The following LDAH variants were observed in gnomAD, a reference collection of about 807,000 sequenced individuals.
LDAH encodes the protein lipid droplet associated hydrolase, also known as lipid droplet-associated hydrolase.
A neutral mutation model predicts 29.6 loss-of-function variants in LDAH; 26 were observed. That is an observed-to-expected ratio of 0.88 (90% CI 0.64 to 1.22). The LOEUF is 1.22. Among genes scored for constraint, LDAH ranks in the 50% most tolerant of loss-of-function variants. The pLI is 0.00. For synonymous variants in LDAH, 117 were observed against 133.0 expected (o/e 0.88, Z 0.83); for missense variants, 344 against 387.3 (o/e 0.89, Z 0.94).
chr2:20,811,175 G>A (rs982050280), intron 1 of LDAH, among the ~76,000 whole-genome samples: 2 of 151,710 alleles, frequency 1.3e-5, no homozygotes, highest in South Asian at 2.1e-4. Flanking sequence ...CCGCCACCAC[G>A]GCCGGCTAAT....
At chr2:20,687,140 C>T (rs1662620235) in intron 6 of LDAH, 46 bp from the exon 7 acceptor site, 1 of 1,524,542 alleles carries the variant, frequency 6.6e-7, no homozygotes, top group Non-Finnish European at 9.0e-7. Flanking sequence ...ACGTTCCCTT[C>T]CTGACACAGA....
At chr2:20,786,773 C>A (rs909734757) in intron 3 of LDAH, among the ~76,000 whole-genome samples, 2 of 152,092 alleles carry the variant, frequency 1.3e-5, no homozygotes, top group Non-Finnish European at 2.9e-5. Flanking sequence ...AAGTTTTTGT[C>A]ATCTTTTTTT....
At chr2:20,779,082 C>G (rs1444864534) in intron 3 of LDAH, among the ~76,000 whole-genome samples, 2 of 152,128 alleles carry the variant, frequency 1.3e-5, no homozygotes, top group Admixed American at 6.5e-5. Context: ...AGTCTGCAGA[C>G]AGTAACTACA....
At chr2:20,711,522 T>TTA (rs1664765088) in intron 5 of LDAH, among the ~76,000 whole-genome samples, 1 of 152,070 alleles carries the variant, frequency 6.6e-6, no homozygotes, top group African/African-American at 2.4e-5. Context: ...CTGGTTCATC[T>TTA]CATTGGGACT....
chr2:20,805,179 C>T (rs544922804), intron 1 of LDAH, among the ~76,000 whole-genome samples: 1 of 151,986 alleles, frequency 6.6e-6, no homozygotes, highest in African/African-American at 2.4e-5. Context: ...TGATTAGCCA[C>T]AAAATTAGTG....
chr2:20,806,795 T>A (rs1672094844), intron 1 of LDAH, among the ~76,000 whole-genome samples: 1 of 151,434 alleles, frequency 6.6e-6, no homozygotes, highest in South Asian at 2.1e-4. Context: ...AAGATACGAA[T>A]GCAGGAAAAT....
chr2:20,683,776 T>C (rs149277065), downstream of LDAH, among the ~76,000 whole-genome samples: 86 of 152,292 alleles, frequency 5.6e-4, no homozygotes, highest in African/African-American at 2.0e-3. Flanking sequence ...GCTATCCTCC[T>C]TTAGGTACCA....
chr2:20,800,897 G>A (rs961065367), intron 2 of LDAH, among the ~76,000 whole-genome samples: 1 of 152,146 alleles, frequency 6.6e-6, no homozygotes, highest in African/African-American at 2.4e-5. Flanking sequence ...CTCCCAAAGT[G>A]CTGGGATTAT....
At chr2:20,707,399 CT>C (rs1418258807) in intron 5 of LDAH, among the ~76,000 whole-genome samples, 2 of 152,216 alleles carry the variant, frequency 1.3e-5, no homozygotes, top group Non-Finnish European at 2.9e-5. Context: ...ATGCCCCCTC[CT>C]TTCAAGAATT....
At chr2:20,817,514 T>C (rs867479387) in intron 1 of LDAH, among the ~76,000 whole-genome samples, 2 of 152,130 alleles carry the variant, frequency 1.3e-5, no homozygotes, top group South Asian at 2.1e-4. Context: ...AATATGGAAA[T>C]ATATAATTAT....
At chr2:20,724,425 C>T (rs991240317) in intron 5 of LDAH, among the ~76,000 whole-genome samples, 1 of 152,170 alleles carries the variant, frequency 6.6e-6, no homozygotes, top group Non-Finnish European at 1.5e-5. Flanking sequence ...GAACAGTTAG[C>T]TCACAGCAGG....
chr2:20,728,812 T>TG (rs201184722), intron 5 of LDAH, among the ~76,000 whole-genome samples: 7 of 150,172 alleles, frequency 4.7e-5, no homozygotes, highest in African/African-American at 7.4e-5. Context: ...GGGTAGGTTA[T>TG]GGGGAAAAAA....
intron 4 of LDAH, among the ~76,000 whole-genome samples, chr2:20,774,462 C>T (rs1296337914): frequency 6.6e-6 from 1 of 152,160 alleles, no homozygotes; most frequent in Non-Finnish European, 1.5e-5. Flanking sequence ...AAATACCTTC[C>T]CACAAAAGAC....
intron 6 of LDAH, among the ~76,000 whole-genome samples, chr2:20,692,605 T>C (rs950805766): frequency 4.6e-5 from 7 of 152,224 alleles, no homozygotes; most frequent in Non-Finnish European, 7.3e-5. Flanking sequence ...TTTTTGCATA[T>C]ATATATTTGT....
At chr2:20,792,601 C>G (rs922406384) in intron 2 of LDAH, among the ~76,000 whole-genome samples, 1 of 152,050 alleles carries the variant, frequency 6.6e-6, no homozygotes, top group South Asian at 2.1e-4. Flanking sequence ...TTAGAAATAA[C>G]GAATGGATAG....
At chr2:20,800,866 T>G (rs1409013259) in intron 2 of LDAH, among the ~76,000 whole-genome samples, 1 of 152,054 alleles carries the variant, frequency 6.6e-6, no homozygotes. Context: ...TCTCCTGACC[T>G]TGTGATCCAC....
rs1050593962 is a variant in LDAH, at chr2:20,722,532, T to C, written c.703+17439A>G. Reference sequence around the variant, plus strand: ...CAGATATAAGAAATAAGTTCCTGTATTTGATAATGCAGTGGGAAAATTATA... The same window carrying C: ...CAGATATAAGAAATAAGTTCCTGTACTTGATAATGCAGTGGGAAAATTATA... On this transcript the variant is annotated intron_variant, in intron 5 of 6. Coordinates refer to ENST00000237822, the MANE Select transcript of LDAH (RefSeq NM_021925.4). 4.6e-5 allele frequency among the ~76,000 whole-genome samples: 7 copies of C among 152,206 alleles called. No homozygotes were observed. The South Asian group carries it at 1.5e-3, about 32-fold the overall frequency.
intron 3 of LDAH, among the ~76,000 whole-genome samples, chr2:20,775,774 T>C (rs536323349): frequency 6.6e-6 from 1 of 152,174 alleles, no homozygotes; most frequent in African/African-American, 2.4e-5. Context: ...TAATGAGCTC[T>C]CTTCTGTGCT....
intron 4 of LDAH, among the ~76,000 whole-genome samples, chr2:20,768,139 G>T (rs181371171): frequency 1.3e-5 from 2 of 152,166 alleles, no homozygotes; most frequent in Non-Finnish European, 2.9e-5. Flanking sequence ...CTTCCTGGTC[G>T]CAGAACAAGA....
Sources: gnomAD v4.1 joint callset for allele counts (sites outside exome capture counted in the v4.1 genomes callset) on GRCh38, gnomAD v4.1.1 for gene constraint, MANE v1.5 for transcripts, NCBI Gene and HGNC (gene_info 2026-07-23, HGNC 2026-07-21) for gene names.